FAM135B: variants seen among roughly 807,000 people sequenced by gnomAD.
FAM135B encodes family with sequence similarity 135 member B.
A neutral mutation model predicts 127.7 loss-of-function variants in FAM135B; 43 were observed. The observed-to-expected ratio is 0.34, with a 90% confidence interval of 0.26 to 0.43. FAM135B has a LOEUF of 0.43. FAM135B is among the 20% of genes least tolerant of loss of function. The pLI is 1.00. For synonymous variants in FAM135B, 670 were observed against 665.1 expected (o/e 1.01, Z -0.11); for missense variants, 1,558 against 1,725.6 (o/e 0.90, Z 1.72).
chr8:138,244,070 C>T (rs1309293818), intron 6 of FAM135B, among the ~76,000 whole-genome samples: 2 of 152,046 alleles, frequency 1.3e-5, no homozygotes, highest in African/African-American at 2.4e-5. Context: ...AAAATATTGA[C>T]AGGAAAATAA....
chr8:138,139,670 G>A (rs897301136), intron 17 of FAM135B, among the ~76,000 whole-genome samples: 3 of 152,202 alleles, frequency 2.0e-5, no homozygotes, highest in Non-Finnish European at 4.4e-5. Flanking sequence ...GGAGGCTGAG[G>A]CAGAAGAATT....
intron 2 of FAM135B, among the ~76,000 whole-genome samples, chr8:138,361,956 CT>C (rs1157940177): frequency 6.6e-6 from 1 of 152,066 alleles, no homozygotes; most frequent in African/African-American, 2.4e-5. Context: ...TGGCCATTTT[CT>C]TTTTTTCCTG....
At chr8:138,425,996 T>C (rs1304937338) in intron 1 of FAM135B, among the ~76,000 whole-genome samples, 29 of 16,286 alleles carry the variant, frequency 1.8e-3, no homozygotes, top group African/African-American at 0.015. Flanking sequence ...TATATATATA[T>C]ATATATATAT....
chr8:138,285,018 G>T (rs1030975200), intron 3 of FAM135B, among the ~76,000 whole-genome samples: 2 of 151,088 alleles, frequency 1.3e-5, no homozygotes, highest in African/African-American at 4.9e-5. Flanking sequence ...CATTTTCAAA[G>T]CATTTCCTTC....
intron 1 of FAM135B, among the ~76,000 whole-genome samples, chr8:138,408,340 C>T (rs1280872888): frequency 6.6e-6 from 1 of 152,136 alleles, no homozygotes; most frequent in African/African-American, 2.4e-5. Flanking sequence ...CTTGCTGCAG[C>T]TTCTATATCA....
At chr8:138,271,946 A>T (rs2130681238) in intron 3 of FAM135B, among the ~76,000 whole-genome samples, 1 of 152,002 alleles carries the variant, frequency 6.6e-6, no homozygotes, top group South Asian at 2.1e-4. Flanking sequence ...TGATCATAGA[A>T]ATTGTTACAT....
chr8:138,431,571 G>T (rs1355069597), intron 1 of FAM135B, among the ~76,000 whole-genome samples: 1 of 152,166 alleles, frequency 6.6e-6, no homozygotes, highest in African/African-American at 2.4e-5. Context: ...GCATCTTCAA[G>T]TACTTCCAAC....
intron 1 of FAM135B, among the ~76,000 whole-genome samples, chr8:138,418,603 C>T (rs984912057): frequency 6.6e-6 from 1 of 151,850 alleles, no homozygotes; most frequent in African/African-American, 2.4e-5. Flanking sequence ...GAACTCTCAG[C>T]AAAAGCCTTA....
intron 9 of FAM135B, among the ~76,000 whole-genome samples, chr8:138,190,408 T>C (rs529505928): frequency 1.6e-4 from 24 of 152,322 alleles, no homozygotes; most frequent in African/African-American, 5.5e-4. Context: ...CAAATTATAA[T>C]GTTAAAACAG....
rs1307707873 is a variant in FAM135B at position 138,407,437 on chromosome 8, C to A, written c.-19-39435G>T. Among the ~76,000 whole-genome samples the A allele has an allele frequency of 3.3e-5, 5 of 152,252 alleles. No homozygotes were observed. The East Asian group carries it at 5.8e-4, about 18-fold the overall frequency. On this transcript the variant is annotated intron_variant, in intron 1 of 19. Coordinates refer to ENST00000395297, the MANE Select transcript of FAM135B (RefSeq NM_015912.4). ...AAGTTCATATGGAACCAAAAAAGAG[C>A]CCACATCGCCAAGTCAATCCTAAGC...
intron 3 of FAM135B, among the ~76,000 whole-genome samples, chr8:138,298,115 C>G (rs1303497393): frequency 6.6e-6 from 1 of 152,202 alleles, no homozygotes; most frequent in Admixed American, 6.5e-5. Context: ...ATTCATATAA[C>G]TTATCACATA....
intron 3 of FAM135B, among the ~76,000 whole-genome samples, chr8:138,271,489 C>A (rs1223230781): frequency 6.6e-6 from 1 of 152,070 alleles, no homozygotes; most frequent in Non-Finnish European, 1.5e-5. Flanking sequence ...AGGTCTTGGG[C>A]AAAACATTGG....
At chr8:138,343,815 G>T (rs2131073897) in intron 2 of FAM135B, among the ~76,000 whole-genome samples, 1 of 152,284 alleles carries the variant, frequency 6.6e-6, no homozygotes, top group African/African-American at 2.4e-5. Context: ...ATTCCCTGAG[G>T]ACTCTGGCTC....
chr8:138,240,054 G>A (rs554950902), intron 7 of FAM135B, among the ~76,000 whole-genome samples: 6 of 152,054 alleles, frequency 3.9e-5, no homozygotes, highest in South Asian at 2.1e-4. Context: ...TGTAAATGAC[G>A]AATTAATGGG....
intron 2 of FAM135B, among the ~76,000 whole-genome samples, chr8:138,326,958 G>A (rs988345082): frequency 1.3e-5 from 2 of 152,094 alleles, no homozygotes; most frequent in South Asian, 2.1e-4. Flanking sequence ...ACACAGAAAA[G>A]GGGAAGAAGT....
intron 1 of FAM135B, among the ~76,000 whole-genome samples, chr8:138,462,251 T>A (rs1564021861): frequency 1.3e-5 from 2 of 152,228 alleles, no homozygotes; most frequent in African/African-American, 4.8e-5. Flanking sequence ...TTTCTACTTG[T>A]CATATACCAA....
chr8:138,169,029 A>T (rs547783102), intron 11 of FAM135B, among the ~76,000 whole-genome samples: 3 of 152,180 alleles, frequency 2.0e-5, no homozygotes, highest in African/African-American at 7.2e-5. Flanking sequence ...ACTCAAAGCA[A>T]ATTCTCAAAC....
chr8:138,339,289 T>C (rs964823974), intron 2 of FAM135B, among the ~76,000 whole-genome samples: 11 of 151,790 alleles, frequency 7.2e-5, no homozygotes, highest in African/African-American at 2.7e-4. Context: ...ATCATACAAA[T>C]GTTTGCTAGT....
At chr8:138,206,431 C>A (rs1229551064) in intron 7 of FAM135B, among the ~76,000 whole-genome samples, 1 of 146,150 alleles carries the variant, frequency 6.8e-6, no homozygotes. Flanking sequence ...CTACACACAG[C>A]TCTATCATCC....
Sources: allele counts gnomAD v4.1 joint callset (sites outside exome capture counted in the v4.1 genomes callset), GRCh38; gene constraint gnomAD v4.1.1; transcripts MANE v1.5; gene names NCBI Gene and HGNC (gene_info 2026-07-23, HGNC 2026-07-21).